CCDC38: variants seen among roughly 807,000 people sequenced by gnomAD.
The protein encoded by CCDC38 is coiled-coil domain containing 38.
CCDC38 carries 69 observed loss-of-function variants against 72.8 expected under a neutral mutation model. The ratio of observed to expected loss-of-function variants is 0.95; its 90% CI spans 0.78 to 1.16. CCDC38 has a LOEUF of 1.16. Ranked by LOEUF, CCDC38 falls within the 50% of genes most tolerant of loss-of-function variation. The probability of loss-of-function intolerance (pLI) is 0.00; values close to 1 mark genes in which losing one functional copy is unlikely to be tolerated. For missense variants in CCDC38, 626 were observed against 638.9 expected, an observed-to-expected ratio of 0.98 and a Z score of 0.22; for synonymous variants, 201 against 213.2, an observed-to-expected ratio of 0.94 and a Z score of 0.50.
intron 2 of CCDC38, among the ~76,000 whole-genome samples, chr12:95,936,066 G>A (rs1188604650): frequency 5.3e-5 from 8 of 151,186 alleles, no homozygotes; most frequent in Non-Finnish European, 5.9e-5. Context: ...CAACAAGAAC[G>A]AAATTCCATC....
chr12:95,880,618 A>T (rs1225889486), intron 11 of CCDC38, among the ~76,000 whole-genome samples: 2 of 151,696 alleles, frequency 1.3e-5, no homozygotes, highest in African/African-American at 4.9e-5. Flanking sequence ...GTGCCACTGC[A>T]CTTCAGCCTG....
chr12:95,940,076 T>G (rs2080432699), intron 1 of CCDC38, among the ~76,000 whole-genome samples: 1 of 151,682 alleles, frequency 6.6e-6, no homozygotes, highest in South Asian at 2.1e-4. Flanking sequence ...ATAGTAGGCT[T>G]GTGAAGAAGT....
chr12:95,867,587 C>T (rs1180516314), intron 15 of CCDC38, among the ~76,000 whole-genome samples: 2 of 152,132 alleles, frequency 1.3e-5, no homozygotes, highest in African/African-American at 2.4e-5. Context: ...CTGTTGAGCA[C>T]CTGACTAGCA....
chr12:95,908,322 CGTGGCGGCGCGCGCCTGCAATCGCAGGCA>C (rs2080036949), intron 4 of CCDC38, among the ~76,000 whole-genome samples: 1 of 150,020 alleles, frequency 6.7e-6, no homozygotes, highest in South Asian at 2.1e-4. Context: ...ACCAGTCAGG[CGTGGCGGCGCGCGCCTGCAATCGCAGGCA>C]CTCGGCAGGC....
At chr12:95,897,728 T>C (rs1266464038) in intron 7 of CCDC38, among the ~76,000 whole-genome samples, 1 of 151,880 alleles carries the variant, frequency 6.6e-6, no homozygotes, top group Non-Finnish European at 1.5e-5. Context: ...CCTGCTCCAA[T>C]GCTTTTTTCT....
chr12:95,914,757 A>G (rs1195071872), intron 4 of CCDC38, among the ~76,000 whole-genome samples: 1 of 152,028 alleles, frequency 6.6e-6, no homozygotes, highest in East Asian at 1.9e-4. Flanking sequence ...TAAATCTATA[A>G]TAGCCACCCC....
chr12:95,921,529 A>G (rs2080208536), intron 2 of CCDC38, among the ~76,000 whole-genome samples: 1 of 152,168 alleles, frequency 6.6e-6, no homozygotes, highest in African/African-American at 2.4e-5. Context: ...CCAAACATGT[A>G]TAAAACCATC....
chr12:95,929,918 A>G (rs899708211), intron 2 of CCDC38, among the ~76,000 whole-genome samples: 2 of 152,114 alleles, frequency 1.3e-5, no homozygotes, highest in African/African-American at 4.8e-5. Context: ...CTAGACATTC[A>G]TTGGCTGGAT....
chr12:95,883,686 A>G (rs1211854216), intron 10 of CCDC38, among the ~76,000 whole-genome samples: 1 of 152,210 alleles, frequency 6.6e-6, no homozygotes, highest in Admixed American at 6.5e-5. Flanking sequence ...TTGTATTGCA[A>G]TCAACTTGGC....
At chr12:95,918,851 G>C (rs776504317) in intron 3 of CCDC38, 25 bp downstream of exon 3, 2 of 1,421,126 alleles carry the variant, frequency 1.4e-6, no homozygotes, top group Admixed American at 3.4e-5. Flanking sequence ...CATTAATTGG[G>C]GTTGTGATTT....
rs1376816985 is a variant in CCDC38, at chr12:95,888,506, C to G, written c.872G>C (p.Gly291Ala). 1 of 1,613,944 alleles carries G rather than the reference C, an allele frequency of 6.2e-7. No homozygotes were observed. The highest frequency in any genetic ancestry group is 8.5e-7 in the Non-Finnish European group (1 of 1,179,972). ...GCGAGTCAGGCTTCTGCTTGGCTTT[C>G]CTGTTCAAAATGTCCAGGTGAGGCC... ...EDASQGRDSQGKPSRSLTRTP... is the reference protein window; with the variant it reads ...EDASQGRDSQAKPSRSLTRTP... The change falls in exon 10 of 16, where the codon GGA becomes GCA. Residue 291 changes from glycine (G) to alanine (A), a missense_variant and splice_region_variant. Physicochemically the swap from Gly to Ala is moderately conservative, Grantham distance 60. Transcript: ENST00000344280.
At chr12:95,872,900 G>GA (rs1327119024) in intron 13 of CCDC38, among the ~76,000 whole-genome samples, 7 of 152,320 alleles carry the variant, frequency 4.6e-5, no homozygotes, top group Admixed American at 2.0e-4. Context: ...AAATCATTGA[G>GA]AAAATGCAGC....
At chr12:95,896,867 C>G (rs896354656) in intron 7 of CCDC38, among the ~76,000 whole-genome samples, 2 of 152,142 alleles carry the variant, frequency 1.3e-5, no homozygotes, top group African/African-American at 2.4e-5. Context: ...TTCAGCAAGA[C>G]CATTTGGAGG....
In CCDC38 at chr12:95,879,539, A is replaced by G. The variant is rs1026367161; in HGVS notation, c.1142+105T>C. On this transcript the variant is annotated intron_variant, in intron 12 of 15. Transcript: ENST00000344280. The surrounding 1 kb of genome is among the most constrained non-coding windows in gnomAD (Gnocchi z 5.5). ...TGTAAACTATTAAAAACCCCAGCCT[A>G]CATTCACAGAGACCACGAGGAAGAG... The G allele has an allele frequency of 1.4e-5, 10 of 717,332 alleles. No individual in the cohort carries two copies. The highest frequency in any genetic ancestry group is 2.8e-4 in the Middle Eastern group (1 of 3,548). 44.4% of individuals were successfully genotyped at this position (717,332 alleles called of 1,614,324 possible).
chr12:95,892,985 G>A (rs921469174), intron 8 of CCDC38, among the ~76,000 whole-genome samples: 26 of 152,080 alleles, frequency 1.7e-4, no homozygotes, highest in Non-Finnish European at 3.4e-4. Context: ...AAATTTTAAA[G>A]CATTTGTAAT....
intron 9 of CCDC38, among the ~76,000 whole-genome samples, chr12:95,889,714 A>G (rs2121453175): frequency 6.6e-6 from 1 of 152,174 alleles, no homozygotes; most frequent in African/African-American, 2.4e-5. Context: ...TGGGGGCTGC[A>G]AACTCAGATG....
chr12:95,907,573 C>CG (rs1449052115), intron 4 of CCDC38, among the ~76,000 whole-genome samples: 1 of 134,108 alleles, frequency 7.5e-6, no homozygotes, highest in Non-Finnish European at 1.6e-5. Context: ...GCTGGCCAGG[C>CG]GGGGGACTGA....
At chr12:95,921,302 A>G (rs2136724412) in intron 2 of CCDC38, among the ~76,000 whole-genome samples, 1 of 152,270 alleles carries the variant, frequency 6.6e-6, no homozygotes, top group South Asian at 2.1e-4. Flanking sequence ...TGGCTTTCAA[A>G]ACCAATAGTC....
intron 2 of CCDC38, among the ~76,000 whole-genome samples, chr12:95,929,757 A>G (rs1421080031): frequency 6.6e-6 from 1 of 152,206 alleles, no homozygotes; most frequent in East Asian, 1.9e-4. Context: ...TTCCATAATA[A>G]GATATCACAA....
Sources: allele counts gnomAD v4.1 joint callset (sites outside exome capture counted in the v4.1 genomes callset), GRCh38; gene constraint gnomAD v4.1.1; non-coding constraint Gnocchi (gnomAD v3.1); transcripts MANE v1.5; gene names NCBI Gene and HGNC (gene_info 2026-07-23, HGNC 2026-07-21).